The following GALNTL6 variants were observed in gnomAD, a reference collection of about 807,000 sequenced individuals.
GALNTL6 encodes polypeptide N-acetylgalactosaminyltransferase like 6.
In GALNTL6, 46 loss-of-function variants were observed where a neutral mutation model predicts 73.7. The ratio of observed to expected loss-of-function variants is 0.62; its 90% CI spans 0.49 to 0.80. The LOEUF is 0.80. GALNTL6 is among the 30% of genes least tolerant of loss of function. The pLI is 0.00. For missense variants in GALNTL6, 604 were observed against 755.0 expected, an observed-to-expected ratio of 0.80 and a Z score of 2.34; for synonymous variants, 259 against 263.7, an observed-to-expected ratio of 0.98 and a Z score of 0.17.
At chr4:172,382,051 C>T (rs567907466) in intron 5 of GALNTL6, among the ~76,000 whole-genome samples, 25 of 152,360 alleles carry the variant, frequency 1.6e-4, no homozygotes, top group African/African-American at 5.8e-4. Context: ...CTCACTGCAA[C>T]TTCCACCTCC....
At chr4:173,003,181 C>T (rs1752122202) in intron 10 of GALNTL6, among the ~76,000 whole-genome samples, 1 of 152,038 alleles carries the variant, frequency 6.6e-6, no homozygotes, top group Admixed American at 6.6e-5. Flanking sequence ...GAGAAGATGT[C>T]AAAGGGCTGG....
At chr4:172,634,078 G>T (rs1157462071) in intron 5 of GALNTL6, among the ~76,000 whole-genome samples, 1 of 152,174 alleles carries the variant, frequency 6.6e-6, no homozygotes, top group Non-Finnish European at 1.5e-5. Flanking sequence ...GCTCTCCCCA[G>T]TATGACTAAC....
At chr4:172,939,958 A>G (rs1748831279) in intron 9 of GALNTL6, among the ~76,000 whole-genome samples, 1 of 152,186 alleles carries the variant, frequency 6.6e-6, no homozygotes. Flanking sequence ...ATATTTTGTT[A>G]GTTTAACAAA....
intron 2 of GALNTL6, among the ~76,000 whole-genome samples, chr4:171,903,190 G>A (rs999101011): frequency 2.6e-5 from 4 of 152,130 alleles, no homozygotes; most frequent in African/African-American, 9.7e-5. Flanking sequence ...CAGCGTGAGC[G>A]ACACAGAAGA....
At chr4:172,081,147 A>G (rs1372881299) in intron 2 of GALNTL6, among the ~76,000 whole-genome samples, 1 of 152,252 alleles carries the variant, frequency 6.6e-6, no homozygotes, top group Non-Finnish European at 1.5e-5. Flanking sequence ...ATATATAGAC[A>G]TCAAAGGCAA....
chr4:172,017,639 C>T (rs1455822890), intron 2 of GALNTL6, among the ~76,000 whole-genome samples: 1 of 152,086 alleles, frequency 6.6e-6, no homozygotes, highest in Non-Finnish European at 1.5e-5. Flanking sequence ...TGAGAAACGA[C>T]CCACCAGCAG....
intron 5 of GALNTL6, among the ~76,000 whole-genome samples, chr4:172,676,807 A>T (rs1732328994): frequency 6.6e-6 from 1 of 152,238 alleles, no homozygotes; most frequent in African/African-American, 2.4e-5. Flanking sequence ...AAGTTCAGTC[A>T]TAAAGATCTG....
intron 9 of GALNTL6, among the ~76,000 whole-genome samples, chr4:172,943,610 A>G (rs1456573119): frequency 6.6e-6 from 1 of 152,214 alleles, no homozygotes; most frequent in African/African-American, 2.4e-5. Context: ...CAGGTGGCAC[A>G]TTTGAAGCTC....
chr4:172,556,599 G>A (rs1157626700), intron 5 of GALNTL6, among the ~76,000 whole-genome samples: 1 of 151,892 alleles, frequency 6.6e-6, no homozygotes, highest in African/African-American at 2.4e-5. Context: ...ATTTTATCTG[G>A]TAACTCTGTA....
At chr4:172,317,336 C>T (rs925355955) in intron 4 of GALNTL6, among the ~76,000 whole-genome samples, 12 of 152,270 alleles carry the variant, frequency 7.9e-5, no homozygotes, top group African/African-American at 2.2e-4. Context: ...TGCCCATTTC[C>T]GTAAGCGGGG....
At chr4:172,127,959 G>C (rs1010033673) in intron 2 of GALNTL6, among the ~76,000 whole-genome samples, 2 of 151,964 alleles carry the variant, frequency 1.3e-5, no homozygotes, top group African/African-American at 4.8e-5. Context: ...ACAAAAACTA[G>C]CTGGTCATGG....
At chr4:172,955,632 T>C (rs1308698099) in intron 10 of GALNTL6, among the ~76,000 whole-genome samples, 1 of 152,212 alleles carries the variant, frequency 6.6e-6, no homozygotes, top group African/African-American at 2.4e-5. Flanking sequence ...ATTTACATTC[T>C]TCTAATGTTA....
intron 2 of GALNTL6, among the ~76,000 whole-genome samples, chr4:171,889,659 G>C (rs1736706195): frequency 6.6e-6 from 1 of 151,846 alleles, no homozygotes; most frequent in Non-Finnish European, 1.5e-5. Context: ...CCTTATATTT[G>C]GGTACCTAAA....
In GALNTL6 at chr4:172,658,023, G is replaced by A. The variant is rs1374024807; in HGVS notation, c.554-151338G>A. Among the ~76,000 whole-genome samples the A allele has an allele frequency of 9.0e-4, 131 of 145,254 alleles. 1 individual carries two copies. In the South Asian group the frequency reaches 0.015, roughly 17 times the overall value. On this transcript the variant is annotated intron_variant, in intron 5 of 12. Coordinates refer to ENST00000506823, the MANE Select transcript of GALNTL6 (RefSeq NM_001034845.3). ...AAATTAGCCGGGCGTAGTGGCGGGC[G>A]CCTGTAGTCCCAGCTACTCGGGAGG...
intron 8 of GALNTL6, among the ~76,000 whole-genome samples, chr4:172,893,841 T>G (rs1157170210): frequency 2.0e-5 from 3 of 152,160 alleles, no homozygotes; most frequent in Non-Finnish European, 4.4e-5. Flanking sequence ...GGCAGTTCCC[T>G]CTGCCAATTC....
At chr4:171,928,503 G>A (rs1197846080) in intron 2 of GALNTL6, among the ~76,000 whole-genome samples, 3 of 152,120 alleles carry the variant, frequency 2.0e-5, no homozygotes, top group Non-Finnish European at 4.4e-5. Flanking sequence ...AAGACTGGAA[G>A]GCTATCAAAA....
intron 4 of GALNTL6, among the ~76,000 whole-genome samples, chr4:172,331,844 A>G (rs536447706): frequency 9.8e-5 from 15 of 152,288 alleles, no homozygotes; most frequent in Middle Eastern, 3.4e-3. Context: ...AAATATAAGA[A>G]TGCTAATGTC....
At chr4:172,712,448 C>T (rs1734765786) in intron 5 of GALNTL6, among the ~76,000 whole-genome samples, 2 of 152,228 alleles carry the variant, frequency 1.3e-5, no homozygotes, top group Middle Eastern at 3.4e-3. Flanking sequence ...CCCACTCCCC[C>T]CACCTCACAA....
intron 5 of GALNTL6, among the ~76,000 whole-genome samples, chr4:172,533,608 C>T (rs180994462): frequency 1.3e-5 from 2 of 152,214 alleles, no homozygotes; most frequent in Non-Finnish European, 2.9e-5. Flanking sequence ...CAGGCTTGAA[C>T]CACCACACTC....
Sources: allele counts gnomAD v4.1 joint callset (sites outside exome capture counted in the v4.1 genomes callset), GRCh38; gene constraint gnomAD v4.1.1; transcripts MANE v1.5; gene names NCBI Gene and HGNC (gene_info 2026-07-23, HGNC 2026-07-21).